The following SOX6 variants were observed in gnomAD, a reference collection of about 807,000 sequenced individuals.
SOX6 encodes the protein transcription factor SOX-6.
SOX6 carries 11 observed loss-of-function variants against 97.8 expected under a neutral mutation model. That is an observed-to-expected ratio of 0.11 (90% CI 0.07 to 0.19). The LOEUF (loss-of-function observed/expected upper bound fraction) is 0.19. SOX6 is among the 10% of genes least tolerant of loss of function. SOX6 has a pLI of 1.00. For missense variants in SOX6, 810 were observed against 1,039.5 expected, an observed-to-expected ratio of 0.78 and a Z score of 3.04; for synonymous variants, 360 against 371.4, an observed-to-expected ratio of 0.97 and a Z score of 0.35.
At position 16,526,741 on chromosome 11, in the gene SOX6, T is replaced by C. The variant is rs548693064; in HGVS notation, n.610-50353A>G. On this transcript the variant is annotated intron_variant and non_coding_transcript_variant, in intron 4 of 5. Transcript: ENST00000524520. ...ATCTAAATATTAATCCAGCCTTTCG[T>C]ATATCAATTTTACTTAAAATAAGAC... Among the ~76,000 whole-genome samples, 114 of 152,252 alleles carry C rather than the reference T, an allele frequency of 7.5e-4. 2 individuals are homozygous for C. In the South Asian group the frequency reaches 0.021, roughly 28 times the overall value.
chr11:15,984,917 T>C, intron 15 of SOX6, among the ~76,000 whole-genome samples: 1 of 152,200 alleles, frequency 6.6e-6, no homozygotes, highest in African/African-American at 2.4e-5. Context: ...AAGCGTTGCC[T>C]CATTGGATCT....
chr11:16,702,931 T>G (rs1045252948), intron 3 of SOX6, among the ~76,000 whole-genome samples: 1 of 149,254 alleles, frequency 6.7e-6, no homozygotes, highest in Admixed American at 6.7e-5. Context: ...TATATATATA[T>G]AAAATCCTTC....
chr11:16,067,127 G>A (rs574735497), intron 9 of SOX6, among the ~76,000 whole-genome samples: 1 of 152,164 alleles, frequency 6.6e-6, no homozygotes, highest in Admixed American at 6.5e-5. Flanking sequence ...CCTTGTTTCA[G>A]GTGAGACTTT....
intron 3 of SOX6, among the ~76,000 whole-genome samples, chr11:16,712,276 G>A (rs1848187648): frequency 6.6e-6 from 1 of 152,186 alleles, no homozygotes; most frequent in Non-Finnish European, 1.5e-5. Flanking sequence ...TAGTGGGATT[G>A]CTGGATCAAA....
chr11:16,038,600 G>C (rs567607368), intron 12 of SOX6, among the ~76,000 whole-genome samples: 1 of 152,082 alleles, frequency 6.6e-6, no homozygotes, highest in East Asian at 1.9e-4. Flanking sequence ...TTTATAGATT[G>C]GGAAACTTAA....
chr11:16,736,457 C>G (rs1848391950), exon 2 of SOX6: 1 of 152,290 alleles, frequency 6.6e-6, no homozygotes, highest in South Asian at 2.1e-4. Flanking sequence ...GATTTACCAT[C>G]CAGGTGCCAA....
chr11:16,285,398 G>T (rs548387557), intron 3 of SOX6, among the ~76,000 whole-genome samples: 54 of 152,210 alleles, frequency 3.5e-4, no homozygotes, highest in African/African-American at 1.2e-3. Flanking sequence ...GCTGGGCGTG[G>T]TGGCACACGC....
chr11:16,046,683 T>C lies in SOX6; in HGVS notation c.1454A>G (p.Asn485Ser), dbSNP rs778434976. The part of the protein sequence containing the change: ...GSSLDILSSL[N>S]SPALFGDQDT... The stretch of plus-strand genomic sequence containing the variant: ...CTGATCCCCAAAAAGGGCAGGGGAG[T>C]TGAGACTAGATAGGATATCTGCATA... The change falls in exon 12 of 16, where the codon AAC becomes AGC. Residue 485 changes from asparagine to serine, a missense_variant. Physicochemically the swap from Asn to Ser is conservative, Grantham distance 46 (BLOSUM62 1). Coordinates refer to ENST00000683767, the MANE Select transcript of SOX6 (RefSeq NM_001367873.1). The C allele has an allele frequency of 1.9e-6, 3 of 1,613,354 alleles. No individual in the cohort carries two copies. Among genetic ancestry groups the C allele is most frequent in the Non-Finnish European group, 2.5e-6 (3 of 1,179,696 alleles).
At chr11:16,290,764 G>A (rs1217896052) in intron 3 of SOX6, among the ~76,000 whole-genome samples, 1 of 152,094 alleles carries the variant, frequency 6.6e-6, no homozygotes, top group Non-Finnish European at 1.5e-5. Flanking sequence ...CGTTCCCTGT[G>A]TATAGCAGAA....
chr11:16,275,890 G>A (rs1276738803), intron 3 of SOX6, among the ~76,000 whole-genome samples: 2 of 152,078 alleles, frequency 1.3e-5, no homozygotes, highest in Non-Finnish European at 2.9e-5. Flanking sequence ...GATTCATATT[G>A]TAATATTTGT....
At chr11:16,646,471 GTTTTTTT>G (rs527659052) in intron 3 of SOX6, among the ~76,000 whole-genome samples, 7 of 142,348 alleles carry the variant, frequency 4.9e-5, no homozygotes, top group African/African-American at 1.8e-4. Context: ...TATTTTCTTT[GTTTTTTT>G]TTTTTATTTC....
chr11:16,338,459 T>C (rs1856532992), intron 2 of SOX6, among the ~76,000 whole-genome samples: 1 of 152,038 alleles, frequency 6.6e-6, no homozygotes, highest in African/African-American at 2.4e-5. Context: ...GTACTTACAG[T>C]ATAAGTCATT....
chr11:16,074,124 G>C (rs1222342669), intron 9 of SOX6, among the ~76,000 whole-genome samples: 1 of 152,006 alleles, frequency 6.6e-6, no homozygotes, highest in African/African-American at 2.4e-5. Context: ...AGGAAACTGA[G>C]ATGCAAAAAA....
intron 1 of SOX6, among the ~76,000 whole-genome samples, chr11:16,455,397 ACTTTTT>A (rs1859793650): frequency 6.6e-6 from 1 of 152,046 alleles, no homozygotes; most frequent in Non-Finnish European, 1.5e-5. Context: ...TTATATAAAT[ACTTTTT>A]CTTTATATAA....
intron 3 of SOX6, among the ~76,000 whole-genome samples, chr11:16,620,075 TC>T (rs1386869637): frequency 6.6e-6 from 1 of 152,146 alleles, no homozygotes; most frequent in African/African-American, 2.4e-5. Context: ...CAACATTTAG[TC>T]CTTGATATTA....
intron 3 of SOX6, chr11:16,313,492 A>G (rs190929): frequency 0.44 from 67,145 of 151,854 alleles, 15,149 homozygotes; most frequent in East Asian, 0.48. Context: ...TAGGTGTCCA[A>G]TGAGATAATA....
At chr11:16,683,666 T>C (rs1475134097) in intron 3 of SOX6, among the ~76,000 whole-genome samples, 1 of 152,168 alleles carries the variant, frequency 6.6e-6, no homozygotes, top group African/African-American at 2.4e-5. Context: ...ATTCAGGACA[T>C]AGGCATGGGC....
rs1855214741 is a variant in SOX6 at position 16,300,112 on chromosome 11, C to T, written c.445+18334G>A. 1.3e-5 allele frequency among the ~76,000 whole-genome samples: 2 copies of T among 152,142 alleles called. No homozygotes were observed. Among genetic ancestry groups the T allele is most frequent in the Non-Finnish European group, 2.9e-5 (2 of 68,030 alleles). On this transcript the variant is annotated intron_variant, in intron 3 of 15. Transcript: ENST00000683767. The surrounding 1 kb of genome is among the most constrained non-coding windows in gnomAD (Gnocchi z 4.1). ...CAAAACATGGAGGTGAGGGCGGCTG[C>T]TCACTGTGGGATGGCAAGCGAGGCC...
At chr11:16,286,191 A>G (rs761607946) in intron 3 of SOX6, among the ~76,000 whole-genome samples, 5 of 152,126 alleles carry the variant, frequency 3.3e-5, no homozygotes, top group Non-Finnish European at 7.4e-5. Context: ...TCCAGGGTCC[A>G]CGGTGATATT....
Sources: gnomAD v4.1 joint callset for allele counts (sites outside exome capture counted in the v4.1 genomes callset) on GRCh38, gnomAD v4.1.1 for gene constraint, Gnocchi (gnomAD v3.1) non-coding constraint, MANE v1.5 for transcripts, NCBI Gene and HGNC (gene_info 2026-07-23, HGNC 2026-07-21) for gene names.